The following PPCDC variants were observed in gnomAD, a reference collection of about 807,000 sequenced individuals.
The protein encoded by PPCDC is phosphopantothenoylcysteine decarboxylase.
Under a neutral mutation model 20.7 loss-of-function variants are expected in PPCDC, and 20 were observed. The observed-to-expected ratio is 0.97, with a 90% CI of 0.68 to 1.41. The LOEUF (loss-of-function observed/expected upper bound fraction) is 1.41, where lower values mean the gene tolerates loss of function less well. Among genes scored for constraint, PPCDC ranks in the 40% most tolerant of loss-of-function variants. The pLI, the probability that PPCDC is intolerant of heterozygous loss-of-function variation, is 0.00. For missense variants in PPCDC, 246 were observed against 263.8 expected, an observed-to-expected ratio of 0.93 and a Z score of 0.47; for synonymous variants, 88 against 100.3, an observed-to-expected ratio of 0.88 and a Z score of 0.73.
chr15:75,034,140 A>G lies in PPCDC; in HGVS notation c.135+5687A>G, dbSNP rs144626671. On this transcript the variant is annotated intron_variant, in intron 2 of 5. Transcript: ENST00000342932. ...GGTCATAAGGGGAAACCAGGCACAG[A>G]GGAAGAGGGTCTCGCCCACGGCCTT... Among the ~76,000 whole-genome samples the G allele has an allele frequency of 6.7e-3, 1,018 of 152,256 alleles. 36 individuals carry two copies. The highest frequency in any genetic ancestry group is 0.057 in the Admixed American group (868 of 15,290).
chr15:75,036,176 A>G (rs965498907), intron 2 of PPCDC, among the ~76,000 whole-genome samples: 4 of 152,130 alleles, frequency 2.6e-5, no homozygotes, highest in Admixed American at 6.5e-5. Flanking sequence ...GCTCCTTGGC[A>G]TTTGCTGGGA....
chr15:75,029,176 C>A (rs1041573575), intron 2 of PPCDC, among the ~76,000 whole-genome samples: 1 of 152,294 alleles, frequency 6.6e-6, no homozygotes, highest in East Asian at 1.9e-4. Context: ...TTGGTCTTTG[C>A]GTGGCTGGGC....
chr15:75,035,170 A>G (rs1210967037), intron 2 of PPCDC, among the ~76,000 whole-genome samples: 1 of 152,122 alleles, frequency 6.6e-6, no homozygotes, highest in African/African-American at 2.4e-5. Flanking sequence ...AATGCTCTTC[A>G]CGGATAATGC....
At chr15:75,033,445 T>TG (rs1409355027) in intron 2 of PPCDC, among the ~76,000 whole-genome samples, 1 of 152,194 alleles carries the variant, frequency 6.6e-6, no homozygotes, top group Non-Finnish European at 1.5e-5. Flanking sequence ...AAGGGAAACT[T>TG]GCATTTTTCA....
chr15:75,035,764 T>C lies in PPCDC; in HGVS notation c.135+7311T>C, dbSNP rs187178292. On this transcript the variant is annotated intron_variant, in intron 2 of 5. Coordinates refer to ENST00000342932, the MANE Select transcript of PPCDC (RefSeq NM_021823.5). Reference sequence around the variant, plus strand: ...GGCAGATCACCTGAGGCCAGGACTTTGAAACCAGCCTGGCCAACATGGTGA... The same window carrying C: ...GGCAGATCACCTGAGGCCAGGACTTCGAAACCAGCCTGGCCAACATGGTGA... Among the ~76,000 whole-genome samples, 16 of 152,142 alleles carry C rather than the reference T, an allele frequency of 1.1e-4. No individual in the cohort carries two copies. The East Asian group carries it at 2.9e-3, about 28-fold the overall frequency.
intron 4 of PPCDC, among the ~76,000 whole-genome samples, chr15:75,048,344 G>T (rs1466860741): frequency 6.6e-6 from 1 of 152,186 alleles, no homozygotes; most frequent in African/African-American, 2.4e-5. Flanking sequence ...CCTCCTGTTT[G>T]TAGGATCCTG....
intron 5 of PPCDC, 50 bp from the exon 6 acceptor site, chr15:75,049,100 G>T: frequency 1.3e-6 from 2 of 1,518,722 alleles, no homozygotes; most frequent in Non-Finnish European, 1.8e-6. Flanking sequence ...GGGTCTGCAG[G>T]GCTACAGGCA....
At chr15:75,029,867 TA>T (rs1384735293) in intron 2 of PPCDC, among the ~76,000 whole-genome samples, 1 of 152,034 alleles carries the variant, frequency 6.6e-6, no homozygotes, top group African/African-American at 2.4e-5. Context: ...TAGGGGTGGA[TA>T]GGGGCGGGGA....
chr15:75,027,749 C>T (rs891788107), intron 1 of PPCDC, among the ~76,000 whole-genome samples: 6 of 152,184 alleles, frequency 3.9e-5, no homozygotes, highest in East Asian at 3.9e-4. Flanking sequence ...CCCTGGCCCT[C>T]GCTGCCCACG....
chr15:75,045,850 T>C (rs918639645), intron 4 of PPCDC, among the ~76,000 whole-genome samples: 1 of 146,554 alleles, frequency 6.8e-6, no homozygotes, highest in African/African-American at 2.5e-5. Flanking sequence ...TGCCTGTGAA[T>C]AGCCAGAATA....
chr15:75,026,973 TCTG>T (rs2065966989), intron 1 of PPCDC, among the ~76,000 whole-genome samples: 1 of 152,074 alleles, frequency 6.6e-6, no homozygotes, highest in Non-Finnish European at 1.5e-5. Flanking sequence ...GTATCTGTCT[TCTG>T]CTCACACTGC....
intron 2 of PPCDC, among the ~76,000 whole-genome samples, chr15:75,037,299 TGAAG>T (rs746528380): frequency 6.6e-6 from 1 of 152,130 alleles, no homozygotes; most frequent in East Asian, 1.9e-4. Context: ...TAACCAGAGA[TGAAG>T]GAAGAATGTG....
chr15:75,025,364 C>T (rs908267244), intron 1 of PPCDC, among the ~76,000 whole-genome samples: 3 of 152,332 alleles, frequency 2.0e-5, no homozygotes, highest in East Asian at 1.9e-4. Context: ...TGAGCTTGAA[C>T]GTATACCCTG....
intron 2 of PPCDC, among the ~76,000 whole-genome samples, chr15:75,042,105 T>C (rs1335423689): frequency 6.6e-6 from 1 of 152,226 alleles, no homozygotes; most frequent in Admixed American, 6.5e-5. Context: ...ATGTTAATAA[T>C]CTTGTGTAGG....
intron 2 of PPCDC, among the ~76,000 whole-genome samples, chr15:75,037,841 G>A (rs1447134886): frequency 1.3e-5 from 2 of 152,208 alleles, no homozygotes; most frequent in South Asian, 2.1e-4. Flanking sequence ...GACCTGAACC[G>A]AGGCTGGGTG....
chr15:75,043,919 G>T (rs1452927156), intron 3 of PPCDC, among the ~76,000 whole-genome samples: 1 of 152,184 alleles, frequency 6.6e-6, no homozygotes, highest in Non-Finnish European at 1.5e-5. Context: ...CCTGCGGATG[G>T]GTGGGCACTG....
rs369901062 is a variant in PPCDC, at chr15:75,028,288, G to T, written c.-31G>T. The T allele has an allele frequency of 3.7e-6, 6 of 1,610,104 alleles. No homozygotes were observed. Among genetic ancestry groups the T allele is most frequent in the Non-Finnish European group, 5.1e-6 (6 of 1,178,844 alleles). On this transcript the variant is annotated 5_prime_UTR_variant, in exon 2 of 6. Coordinates refer to ENST00000342932, the MANE Select transcript of PPCDC (RefSeq NM_021823.5). ...GCTTTATAGAGCCCAGGCCTGGCAG[G>T]CTCCCAGAACTTGAAGCCACCAGAC...
chr15:75,043,442 TG>T lies in PPCDC; in HGVS notation c.139del (p.Glu47LysfsTer2). The T allele has an allele frequency of 1.2e-6, 2 of 1,610,306 alleles. No homozygotes were observed. The highest frequency in any genetic ancestry group is 1.7e-6 in the Non-Finnish European group (2 of 1,177,984). On this transcript the variant is annotated frameshift_variant and splice_region_variant, in exon 3 of 6. Coordinates refer to ENST00000342932, the MANE Select transcript of PPCDC (RefSeq NM_021823.5). LOFTEE classifies it high-confidence loss of function. Reference sequence around the variant, plus strand: ...CCACCCCCTTCTTCTTGGTGACAGCTGGAAGTAGCAGTGGTCACAACTGAGA... The same window carrying T: ...CCACCCCCTTCTTCTTGGTGACAGCTGAAGTAGCAGTGGTCACAACTGAGA... ...LVSKLLDIPGLEVAVVTTERA... is the reference protein window; with the variant it reads ...LVSKLLDIPGXEVAVVTTERA...
chr15:75,027,762 AT>A (rs1376852951), intron 1 of PPCDC, among the ~76,000 whole-genome samples: 12 of 152,124 alleles, frequency 7.9e-5, no homozygotes, highest in African/African-American at 2.9e-4. Flanking sequence ...TGCCCACGGC[AT>A]TCTGGCCTCA....
Sources: gnomAD v4.1 joint callset for allele counts (sites outside exome capture counted in the v4.1 genomes callset) on GRCh38, gnomAD v4.1.1 for gene constraint, MANE v1.5 for transcripts, NCBI Gene and HGNC (gene_info 2026-07-23, HGNC 2026-07-21) for gene names.